Variants in DAB1 observed in about 807,000 individuals in gnomAD.
The protein encoded by DAB1 is disabled homolog 1.
Under a neutral mutation model 64.6 loss-of-function variants are expected in DAB1, and 15 were observed. The ratio of observed to expected loss-of-function variants is 0.23; its 90% CI spans 0.16 to 0.36. The LOEUF is 0.36. Among genes scored for constraint, DAB1 ranks in the 10% least tolerant of loss-of-function variants. The pLI is 1.00. For synonymous variants in DAB1, 235 were observed against 251.9 expected, an observed-to-expected ratio of 0.93 and a Z score of 0.64; for missense variants, 596 against 706.7, an observed-to-expected ratio of 0.84 and a Z score of 1.78.
intron 5 of DAB1, among the ~76,000 whole-genome samples, chr1:58,144,577 T>G (rs1654484204): frequency 6.6e-6 from 1 of 152,246 alleles, no homozygotes. Flanking sequence ...GTCCTCATTT[T>G]ACATAAATGA....
At chr1:58,313,575 C>T (rs1202628870) in intron 4 of DAB1, among the ~76,000 whole-genome samples, 1 of 152,130 alleles carries the variant, frequency 6.6e-6, no homozygotes, top group Non-Finnish European at 1.5e-5. Context: ...TTTGCCTCTC[C>T]AGGGACAGAA....
At chr1:57,041,988 CA>C (rs1241787208) in intron 9 of DAB1, among the ~76,000 whole-genome samples, 1 of 152,112 alleles carries the variant, frequency 6.6e-6, no homozygotes, top group Non-Finnish European at 1.5e-5. Flanking sequence ...TTCACTCCAC[CA>C]TGGTTCCTCT....
At chr1:57,495,784 T>C (rs1467454829) in intron 7 of DAB1, among the ~76,000 whole-genome samples, 5 of 152,196 alleles carry the variant, frequency 3.3e-5, no homozygotes, top group Non-Finnish European at 5.9e-5. Flanking sequence ...CTAAGCAACA[T>C]TTCTTGTGCA....
chr1:58,198,106 A>G (rs1264068033), intron 4 of DAB1, among the ~76,000 whole-genome samples: 3 of 152,222 alleles, frequency 2.0e-5, no homozygotes, highest in Admixed American at 1.3e-4. Context: ...ATCATTGCTG[A>G]TAGAGTTCAT....
intron 6 of DAB1, among the ~76,000 whole-genome samples, chr1:57,739,051 G>C (rs577366613): frequency 1.0e-3 from 155 of 152,316 alleles, no homozygotes; most frequent in South Asian, 6.0e-3. Flanking sequence ...TCCTGAGCAG[G>C]ATGGCTAGGG....
chr1:57,029,910 G>A (rs1478668567), intron 9 of DAB1, among the ~76,000 whole-genome samples: 3 of 152,140 alleles, frequency 2.0e-5, no homozygotes, highest in Non-Finnish European at 1.5e-5. Context: ...GTGGACTTTT[G>A]GGTTAATGCT....
intron 2 of DAB1, among the ~76,000 whole-genome samples, chr1:57,284,454 A>AT (rs1205101636): frequency 2.0e-4 from 31 of 152,340 alleles, no homozygotes; most frequent in African/African-American, 6.7e-4. Flanking sequence ...ACATTTCAAA[A>AT]TTGGGCAAGC....
intron 4 of DAB1, among the ~76,000 whole-genome samples, chr1:57,115,552 C>G (rs1656036327): frequency 6.6e-6 from 1 of 152,154 alleles, no homozygotes; most frequent in Non-Finnish European, 1.5e-5. Context: ...AAAGTGAGTT[C>G]TTAAATTTTA....
chr1:57,752,743 T>C (rs757567228), intron 6 of DAB1, among the ~76,000 whole-genome samples: 2 of 152,218 alleles, frequency 1.3e-5, no homozygotes, highest in Non-Finnish European at 2.9e-5. Flanking sequence ...AGTTTCTTTA[T>C]GCTGTTTGAG....
intron 1 of DAB1, among the ~76,000 whole-genome samples, chr1:57,371,651 A>G (rs1680505692): frequency 6.6e-6 from 1 of 152,180 alleles, no homozygotes; most frequent in African/African-American, 2.4e-5. Flanking sequence ...CTCACTCTAC[A>G]GGGGAAGTCA....
At chr1:57,824,996 G>A (rs1307468743), downstream of DAB1, among the ~76,000 whole-genome samples, 1 of 152,186 alleles carries the variant, frequency 6.6e-6, no homozygotes, top group East Asian at 1.9e-4. Flanking sequence ...ACTGGGAAAG[G>A]CCTAGACTGA....
chr1:57,073,353 A>G (rs1409367998), intron 4 of DAB1, among the ~76,000 whole-genome samples: 1 of 152,196 alleles, frequency 6.6e-6, no homozygotes, highest in Non-Finnish European at 1.5e-5. Flanking sequence ...TAGTTGTTGA[A>G]CTAAAGTAAA....
intron 7 of DAB1, among the ~76,000 whole-genome samples, chr1:57,451,845 CA>C (rs1249123485): frequency 1.3e-5 from 2 of 152,110 alleles, no homozygotes; most frequent in Non-Finnish European, 2.9e-5. Context: ...TCTGAGCTAT[CA>C]CTTTACCTTG....
intron 6 of DAB1, among the ~76,000 whole-genome samples, chr1:57,723,919 T>G (rs1033695901): frequency 6.6e-6 from 1 of 152,216 alleles, no homozygotes; most frequent in Non-Finnish European, 1.5e-5. Flanking sequence ...GCATTTCATA[T>G]TCAAGAAAAA....
intron 7 of DAB1, among the ~76,000 whole-genome samples, chr1:57,624,949 T>A (rs1645904868): frequency 6.6e-6 from 1 of 152,208 alleles, no homozygotes; most frequent in Non-Finnish European, 1.5e-5. Context: ...TTTCCATTTA[T>A]CTTGGGAAAT....
At chr1:57,355,355 C>G (rs1360063623) in intron 1 of DAB1, among the ~76,000 whole-genome samples, 1 of 151,584 alleles carries the variant, frequency 6.6e-6, no homozygotes, top group Non-Finnish European at 1.5e-5. Context: ...TTCCTTCCTT[C>G]CTTCCCTTCC....
chr1:57,853,034 A>G (rs1397931515), intron 1 of DAB1, among the ~76,000 whole-genome samples: 1 of 152,070 alleles, frequency 6.6e-6, no homozygotes, highest in African/African-American at 2.4e-5. Context: ...TTTTTTTGTC[A>G]AATATAGTTA....
intron 7 of DAB1, among the ~76,000 whole-genome samples, chr1:57,519,370 C>T (rs567945095): frequency 2.1e-3 from 321 of 152,300 alleles, no homozygotes; most frequent in South Asian, 8.1e-3. Flanking sequence ...GACCACCTCT[C>T]GCCACTGCCA....
intron 5 of DAB1, among the ~76,000 whole-genome samples, chr1:58,134,345 T>C (rs1653818525): frequency 6.6e-6 from 1 of 152,156 alleles, no homozygotes; most frequent in Non-Finnish European, 1.5e-5. Context: ...TGAAGTTTCT[T>C]TTATAAGCCA....
Sources: allele counts gnomAD v4.1 joint callset (sites outside exome capture counted in the v4.1 genomes callset), GRCh38; gene constraint gnomAD v4.1.1; transcripts MANE v1.5; gene names NCBI Gene and HGNC (gene_info 2026-07-23, HGNC 2026-07-21).